FOCAD: variants seen among roughly 807,000 people sequenced by gnomAD.
The protein encoded by FOCAD is focadhesin.
Under a neutral mutation model 225.6 loss-of-function variants are expected in FOCAD, and 198 were observed. That is an observed-to-expected ratio of 0.88 (90% CI 0.78 to 0.99). The LOEUF is 0.99. Ranked by LOEUF, FOCAD falls within the 50% of genes least tolerant of loss-of-function variation. The pLI is 0.00. For synonymous variants in FOCAD, 897 were observed against 755.0 expected, an observed-to-expected ratio of 1.19 and a Z score of -3.08; for missense variants, 2,713 against 2,123.6, an observed-to-expected ratio of 1.28 and a Z score of -5.46.
At chr9:20,964,213 A>G (rs1451298188) in intron 35 of FOCAD, among the ~76,000 whole-genome samples, 11 of 151,966 alleles carry the variant, frequency 7.2e-5, no homozygotes, top group Non-Finnish European at 2.9e-5. Context: ...AGAAAATACA[A>G]AAAATTAGCC....
intron 5 of FOCAD, among the ~76,000 whole-genome samples, chr9:20,752,571 A>G (rs1587017567): frequency 6.6e-6 from 1 of 152,084 alleles, no homozygotes. Context: ...GCCTTGTATT[A>G]TAGTTTGAAG....
chr9:20,798,698 C>G (rs995188991), intron 11 of FOCAD, among the ~76,000 whole-genome samples: 2 of 152,010 alleles, frequency 1.3e-5, no homozygotes, highest in African/African-American at 4.8e-5. Flanking sequence ...GTGATATCCC[C>G]TTTATCATTT....
chr9:20,662,401 G>A (rs907703918), intron 2 of FOCAD, among the ~76,000 whole-genome samples: 4 of 152,138 alleles, frequency 2.6e-5, no homozygotes, highest in Admixed American at 2.6e-4. Flanking sequence ...CCCTTCCCAA[G>A]GCAGCTTACA....
intron 5 of FOCAD, among the ~76,000 whole-genome samples, chr9:20,742,936 T>C (rs1220784205): frequency 2.0e-5 from 3 of 152,206 alleles, no homozygotes; most frequent in South Asian, 4.1e-4. Context: ...GTAATGTTTA[T>C]GGAGAGCCCT....
chr9:20,974,970 G>T (rs1257457257), intron 35 of FOCAD, among the ~76,000 whole-genome samples: 3 of 151,972 alleles, frequency 2.0e-5, no homozygotes, highest in Non-Finnish European at 4.4e-5. Context: ...TTTTCCTTTT[G>T]CTGACTCTAC....
At chr9:20,797,885 C>G (rs571359927) in intron 11 of FOCAD, among the ~76,000 whole-genome samples, 1 of 152,032 alleles carries the variant, frequency 6.6e-6, no homozygotes, top group Non-Finnish European at 1.5e-5. Context: ...AACACTATGT[C>G]GAATGGGAGT....
chr9:20,892,458 A>G (rs1831697013), intron 21 of FOCAD, among the ~76,000 whole-genome samples: 1 of 152,142 alleles, frequency 6.6e-6, no homozygotes, highest in South Asian at 2.1e-4. Context: ...ACCAGTATTT[A>G]TAAGAAATTG....
At chr9:20,926,811 AAAAG>A (rs1043605711) in intron 26 of FOCAD, among the ~76,000 whole-genome samples, 3 of 151,626 alleles carry the variant, frequency 2.0e-5, no homozygotes, top group Non-Finnish European at 4.4e-5. Flanking sequence ...AAAGAAAAAA[AAAAG>A]AAATCCATTA....
At chr9:20,913,982 C>T (rs527333117) in intron 23 of FOCAD, among the ~76,000 whole-genome samples, 24 of 151,762 alleles carry the variant, frequency 1.6e-4, no homozygotes, top group East Asian at 1.4e-3. Flanking sequence ...AGAATGATTT[C>T]GGCTGGATGT....
chr9:20,832,998 C>T lies in FOCAD; in HGVS notation c.1920+9883C>T, dbSNP rs1009931513. On this transcript the variant is annotated intron_variant, in intron 15 of 43. Transcript: ENST00000338382. ...GAATGCAAATGTCTTTACAAAGTTG[C>T]ATATACTACTTTGTGTATATACCCA... Among the ~76,000 whole-genome samples, 3 of 152,002 alleles carry T rather than the reference C, an allele frequency of 2.0e-5. No individual in the cohort carries two copies. In the East Asian group the frequency reaches 5.8e-4, roughly 29 times the overall value.
intron 5 of FOCAD, among the ~76,000 whole-genome samples, chr9:20,742,709 G>T (rs1437570454): frequency 6.6e-6 from 1 of 152,192 alleles, no homozygotes; most frequent in East Asian, 1.9e-4. Flanking sequence ...GTGTGCAATT[G>T]TTAGACCTTT....
At chr9:20,824,503 C>G (rs190721057) in intron 15 of FOCAD, among the ~76,000 whole-genome samples, 7 of 151,924 alleles carry the variant, frequency 4.6e-5, no homozygotes, top group Non-Finnish European at 1.0e-4. Flanking sequence ...TAAGGCTGTA[C>G]AGTTTATCAA....
At chr9:20,902,550 G>A (rs1248478240) in intron 21 of FOCAD, among the ~76,000 whole-genome samples, 1 of 151,878 alleles carries the variant, frequency 6.6e-6, no homozygotes, top group East Asian at 1.9e-4. Context: ...AACCATCAAA[G>A]GTTTTGCAAA....
At chr9:20,689,007 A>T (rs1005249833) in intron 1 of FOCAD, among the ~76,000 whole-genome samples, 1 of 152,218 alleles carries the variant, frequency 6.6e-6, no homozygotes, top group Non-Finnish European at 1.5e-5. Context: ...AAGAATGGTC[A>T]GAGTGATGGA....
intron 11 of FOCAD, among the ~76,000 whole-genome samples, chr9:20,809,477 AT>A: frequency 6.6e-6 from 1 of 152,308 alleles, no homozygotes; most frequent in South Asian, 2.1e-4. Context: ...TCAAATTAAA[AT>A]AGCCAAATGT....
chr9:20,715,470 A>T, intron 2 of FOCAD, 60 bp downstream of exon 2: 1 of 903,460 alleles, frequency 1.1e-6, no homozygotes, highest in Non-Finnish European at 1.6e-6. Context: ...GTGGATTTTT[A>T]ACTGAACTTT....
chr9:20,934,131 T>G (rs150905989), intron 28 of FOCAD, among the ~76,000 whole-genome samples: 1 of 152,282 alleles, frequency 6.6e-6, no homozygotes, highest in African/African-American at 2.4e-5. Context: ...GTATATAGAT[T>G]GTGAAGATTT....
At chr9:20,801,038 C>G (rs1821764851) in intron 11 of FOCAD, among the ~76,000 whole-genome samples, 1 of 152,024 alleles carries the variant, frequency 6.6e-6, no homozygotes, top group Non-Finnish European at 1.5e-5. Context: ...TGTGGATGTC[C>G]TTTCTGTTTG....
Position 20,817,719 on chromosome 9 carries a change from CTTTA to C in FOCAD, c.1456-2069_1456-2066del, listed in dbSNP as rs1024806475. ...ATCCATGTTGTAGCATGTATCAGTA[CTTTA>C]TTTATTTTTATGGCTGAATAATATC... On this transcript the variant is annotated intron_variant, in intron 11 of 43. Transcript: ENST00000338382. 5.7e-4 allele frequency among the ~76,000 whole-genome samples: 87 copies of C among 151,752 alleles called. 1 individual carries two copies. The highest frequency in any genetic ancestry group is 1.9e-3 in the African/African-American group (77 of 41,296).
Sources: gnomAD v4.1 joint callset for allele counts (sites outside exome capture counted in the v4.1 genomes callset) on GRCh38, gnomAD v4.1.1 for gene constraint, MANE v1.5 for transcripts, NCBI Gene and HGNC (gene_info 2026-07-23, HGNC 2026-07-21) for gene names.